The following RNF182 variants were observed in gnomAD, a reference collection of about 807,000 sequenced individuals.
RNF182 encodes the protein E3 ubiquitin-protein ligase RNF182.
Under a neutral mutation model 14.4 loss-of-function variants are expected in RNF182, and 15 were observed. That is an observed-to-expected ratio of 1.04 (90% CI 0.70 to 1.60). The LOEUF (loss-of-function observed/expected upper bound fraction) is 1.60, where lower values mean the gene tolerates loss of function less well. RNF182 is among the 40% of genes most tolerant of loss of function. RNF182 has a pLI of 0.00. For missense variants in RNF182, 268 were observed against 294.8 expected, an observed-to-expected ratio of 0.91 and a Z score of 0.67; for synonymous variants, 128 against 122.9, an observed-to-expected ratio of 1.04 and a Z score of -0.27.
intron 1 of RNF182, among the ~76,000 whole-genome samples, chr6:13,955,069 G>A (rs548834559): frequency 3.9e-5 from 6 of 152,182 alleles, no homozygotes; most frequent in African/African-American, 1.4e-4. Flanking sequence ...GATAATTATT[G>A]TGTAGGTTAG....
At chr6:13,937,168 G>T (rs903631742) in intron 1 of RNF182, among the ~76,000 whole-genome samples, 2 of 152,118 alleles carry the variant, frequency 1.3e-5, no homozygotes, top group African/African-American at 2.4e-5. Context: ...AAATACATTT[G>T]TTATTGAAGG....
rs367625022 is a variant in RNF182 at position 13,960,692 on chromosome 6, T to TGTGTGTGCGCGC, written c.-366-13517_-366-13516insTGTGTGCGCGCG. Among the ~76,000 whole-genome samples the TGTGTGTGCGCGC allele has an allele frequency of 2.0e-3, 280 of 137,790 alleles. 2 individuals are homozygous for TGTGTGTGCGCGC. The highest frequency in any genetic ancestry group is 6.8e-3 in the African/African-American group (267 of 39,348). 90.4% of individuals were successfully genotyped at this position (137,790 alleles called of 152,430 possible). A position where few individuals can be genotyped will look rare whatever the true frequency, so the allele number is the denominator to read the frequency against. On this transcript the variant is annotated intron_variant, in intron 1 of 2. Coordinates refer to ENST00000488300, the MANE Select transcript of RNF182 (RefSeq NM_152737.4). ...GTGTGTGTGTGTGTGTGTGTGTGTGTGCGCGCGTGCACATGCATGTGATGT... is the reference window on the plus strand; with the variant it reads ...GTGTGTGTGTGTGTGTGTGTGTGTGTGTGTGTGCGCGCGCGCGCGTGCACATGCATGTGATGT...
chr6:13,971,834 C>T (rs1760193077), intron 1 of RNF182, among the ~76,000 whole-genome samples: 1 of 152,142 alleles, frequency 6.6e-6, no homozygotes, highest in Non-Finnish European at 1.5e-5. Context: ...TGGCATTTTG[C>T]CCCTGCCCTA....
intron 1 of RNF182, among the ~76,000 whole-genome samples, chr6:13,966,041 A>C (rs1760020668): frequency 6.6e-6 from 1 of 152,204 alleles, no homozygotes; most frequent in Non-Finnish European, 1.5e-5. Context: ...TAAAACAAAT[A>C]CAAGTTTTAA....
In RNF182 at chr6:13,977,461, GCTGGCCTCT is replaced by G; in HGVS notation, c.347_355del (p.Ala116_Leu118del). On this transcript the variant is annotated inframe_deletion, in exon 3 of 3. Coordinates refer to ENST00000488300, the MANE Select transcript of RNF182 (RefSeq NM_152737.4). ...CTGAGCTGCTGCTCACCCCCAAGAGGCTGGCCTCTCTGGTCAGTCCTTCTCACACGTCCT... is the reference window on the plus strand; with the variant it reads ...CTGAGCTGCTGCTCACCCCCAAGAGGCTGGTCAGTCCTTCTCACACGTCCT... 1.9e-6 allele frequency: 3 copies of G among 1,614,160 alleles called. No homozygotes were observed. The highest frequency in any genetic ancestry group is 2.5e-6 in the Non-Finnish European group (3 of 1,180,028).
At chr6:13,971,464 G>GT (rs1322144919) in intron 1 of RNF182, among the ~76,000 whole-genome samples, 2 of 151,944 alleles carry the variant, frequency 1.3e-5, no homozygotes, top group Admixed American at 6.6e-5. Context: ...CTTTATTAGC[G>GT]TAAGAATCAA....
chr6:13,949,135 C>T (rs1266392244), intron 1 of RNF182: 3 of 779,972 alleles, frequency 3.8e-6, no homozygotes, highest in Non-Finnish European at 7.1e-6. Context: ...AGAGCAGCTT[C>T]AGGAATCTTA....
intron 1 of RNF182, among the ~76,000 whole-genome samples, chr6:13,930,519 T>C (rs150109814): frequency 1.3e-5 from 2 of 152,344 alleles, no homozygotes; most frequent in African/African-American, 4.8e-5. Flanking sequence ...TGATACTCCC[T>C]TCTCACTCCC....
chr6:13,970,922 G>A (rs923599999), intron 1 of RNF182, among the ~76,000 whole-genome samples: 11 of 151,772 alleles, frequency 7.2e-5, no homozygotes, highest in Non-Finnish European at 1.2e-4. Flanking sequence ...TTCCTTTTTC[G>A]TTTTCTATTT....
In RNF182 at chr6:13,977,025, C is replaced by A; in HGVS notation, c.-95C>A. The A allele has an allele frequency of 7.5e-7, 1 of 1,338,258 alleles. No homozygotes were observed. Among genetic ancestry groups the A allele is most frequent in the Non-Finnish European group, 1.0e-6 (1 of 976,956 alleles). 82.9% of individuals were successfully genotyped at this position (1,338,258 alleles called of 1,614,324 possible). A position where few individuals can be genotyped will look rare whatever the true frequency, so the allele number is the denominator to read the frequency against. Reference sequence around the variant, plus strand: ...CTTATCCTGCCTTTTTGCATCGCTGCCAGATTTGGATGATATGATATTCAG... The same window carrying A: ...CTTATCCTGCCTTTTTGCATCGCTGACAGATTTGGATGATATGATATTCAG... On this transcript the variant is annotated 5_prime_UTR_variant, in exon 3 of 3. It introduces an in-frame stop codon into an upstream open reading frame of the 5' UTR. Transcript: ENST00000488300.
chr6:13,941,250 T>C (rs1268108859), intron 1 of RNF182, among the ~76,000 whole-genome samples: 15 of 152,094 alleles, frequency 9.9e-5, no homozygotes, highest in Non-Finnish European at 4.4e-5. Flanking sequence ...TTATTGGATA[T>C]ATACAAACTT....
intron 2 of RNF182, among the ~76,000 whole-genome samples, chr6:13,976,517 C>T (rs1378207025): frequency 6.6e-6 from 1 of 152,184 alleles, no homozygotes; most frequent in East Asian, 1.9e-4. Flanking sequence ...CTGGTATTTA[C>T]ACCAACAATA....
chr6:13,976,242 T>C (rs1388617368), intron 2 of RNF182, among the ~76,000 whole-genome samples: 5 of 152,264 alleles, frequency 3.3e-5, no homozygotes, highest in Non-Finnish European at 7.3e-5. Flanking sequence ...TCGGGTGTTA[T>C]ATGCCTCATT....
chr6:13,972,628 G>T (rs1760218618), intron 1 of RNF182, among the ~76,000 whole-genome samples: 1 of 152,194 alleles, frequency 6.6e-6, no homozygotes, highest in Non-Finnish European at 1.5e-5. Context: ...AGGGGTCAAT[G>T]TACAGCTCAG....
At chr6:13,958,043 T>G (rs1167731211) in intron 1 of RNF182, among the ~76,000 whole-genome samples, 2 of 152,172 alleles carry the variant, frequency 1.3e-5, no homozygotes, top group Non-Finnish European at 2.9e-5. Flanking sequence ...TGCTATGACT[T>G]ATAAGTCTTT....
intron 1 of RNF182, among the ~76,000 whole-genome samples, chr6:13,972,329 A>T (rs1581261622): frequency 6.6e-6 from 1 of 151,808 alleles, no homozygotes. Flanking sequence ...AAAGCAGGGC[A>T]TAAAAGTTGA....
At chr6:13,931,168 A>G (rs892631749) in intron 1 of RNF182, among the ~76,000 whole-genome samples, 2 of 152,184 alleles carry the variant, frequency 1.3e-5, no homozygotes, top group African/African-American at 4.8e-5. Context: ...AAAGAGACAG[A>G]GAACCCCTAT....
At position 13,978,064 on chromosome 6, in the gene RNF182, GT is replaced by G; in HGVS notation, c.*202del. On this transcript the variant is annotated 3_prime_UTR_variant, in exon 3 of 3. Transcript: ENST00000488300. ...TTTCTACTTAGGGGTTAGCAAAATTGTATAAGCTCACACTTCATGGAGCACT... is the reference window on the plus strand; with the variant it reads ...TTTCTACTTAGGGGTTAGCAAAATTGATAAGCTCACACTTCATGGAGCACT... 1 of 568,678 alleles carries G rather than the reference GT, an allele frequency of 1.8e-6. No homozygotes were observed. The allele number at this position is 568,678 out of a possible 1,614,324, so 35.2% of individuals were successfully genotyped here. A position where few individuals can be genotyped will look rare whatever the true frequency, so the allele number is the denominator to read the frequency against.
intron 1 of RNF182, among the ~76,000 whole-genome samples, chr6:13,970,588 C>G (rs955515584): frequency 2.0e-5 from 3 of 152,198 alleles, no homozygotes; most frequent in South Asian, 2.1e-4. Flanking sequence ...ATTTCTTTTT[C>G]TTTGGATAGA....
Sources: gnomAD v4.1 joint callset for allele counts (sites outside exome capture counted in the v4.1 genomes callset) on GRCh38, gnomAD v4.1.1 for gene constraint, MANE v1.5 for transcripts, NCBI Gene and HGNC (gene_info 2026-07-23, HGNC 2026-07-21) for gene names.